The following EPHA10 variants were observed in gnomAD, a reference collection of about 807,000 sequenced individuals.
EPHA10 encodes EPH receptor A10.
In EPHA10, 120 loss-of-function variants were observed where a neutral mutation model predicts 109.7. The ratio of observed to expected loss-of-function variants is 1.09; its 90% CI spans 0.94 to 1.27. The LOEUF is 1.27. EPHA10 is among the 50% of genes most tolerant of loss of function. The pLI is 0.00. For synonymous variants in EPHA10, 640 were observed against 618.9 expected (o/e 1.03, Z -0.51); for missense variants, 1,396 against 1,411.1 (o/e 0.99, Z 0.17).
chr1:37,758,648 T>C (rs1646409103), intron 3 of EPHA10, among the ~76,000 whole-genome samples: 1 of 152,214 alleles, frequency 6.6e-6, no homozygotes, highest in Non-Finnish European at 1.5e-5. Flanking sequence ...TCAGCCTTTT[T>C]AATGGGCTCT....
rs1474436666 is a variant in EPHA10, at chr1:37,764,666, T to A, written c.106+295A>T. 1.3e-5 allele frequency among the ~76,000 whole-genome samples: 2 copies of A among 151,870 alleles called. No individual in the cohort carries two copies. The highest frequency in any genetic ancestry group is 4.8e-5 in the African/African-American group (2 of 41,356). On this transcript the variant is annotated intron_variant, in intron 1 of 16. Coordinates refer to ENST00000373048, the MANE Select transcript of EPHA10 (RefSeq NM_001099439.2). The surrounding 1 kb of genome is among the most constrained non-coding windows in gnomAD (Gnocchi z 5.8). ...CCGCCCCCGCACCTCCCACCTCCAA[T>A]CACTCAGCTTGTCCGTCTCACCGGC...
chr1:37,715,464 G>C (rs938692749), downstream of EPHA10, among the ~76,000 whole-genome samples: 8 of 152,030 alleles, frequency 5.3e-5, no homozygotes, highest in Non-Finnish European at 1.0e-4. Context: ...CATGCTGGCC[G>C]GGTGACCTCC....
At chr1:37,763,099 C>T (rs1646447463) in intron 1 of EPHA10, among the ~76,000 whole-genome samples, 1 of 152,186 alleles carries the variant, frequency 6.6e-6, no homozygotes, top group Non-Finnish European at 1.5e-5. Context: ...CATATTACCA[C>T]AAATTTAGTG....
chr1:37,724,255 A>G lies in EPHA10; in HGVS notation c.1773-883T>C, dbSNP rs536383935. Among the ~76,000 whole-genome samples the G allele has an allele frequency of 2.0e-4, 30 of 152,316 alleles. 1 individual carries two copies. The South Asian group carries it at 5.8e-3, about 29-fold the overall frequency. ...AAAGGAAGAGGGAGAAGTTGCCCACAGTTTATGGTGGTGCCATTTACTGGG... is the reference window on the plus strand; with the variant it reads ...AAAGGAAGAGGGAGAAGTTGCCCACGGTTTATGGTGGTGCCATTTACTGGG... On this transcript the variant is annotated intron_variant, in intron 8 of 16. Transcript: ENST00000373048.
At chr1:37,715,737 C>T (rs1645680615), downstream of EPHA10, 1 of 360,564 alleles carries the variant, frequency 2.8e-6, no homozygotes, top group Admixed American at 4.2e-5. Flanking sequence ...GCTCCTGAGA[C>T]TGGGTAACAG....
At chr1:37,751,727 G>T (rs1646330700) in intron 5 of EPHA10, among the ~76,000 whole-genome samples, 1 of 151,398 alleles carries the variant, frequency 6.6e-6, no homozygotes, top group South Asian at 2.1e-4. Flanking sequence ...ACAAAAATTA[G>T]CTGGGCGTGG....
intron 15 of EPHA10, chr1:37,719,019 G>A (rs903089978): frequency 8.1e-5 from 55 of 680,236 alleles, no homozygotes; most frequent in Non-Finnish European, 1.3e-4. Flanking sequence ...GGCAGAGCCA[G>A]CGCCAGCTAA....
rs561624638 is a variant in EPHA10 at position 37,716,242 on chromosome 1, G to A, written c.*2130C>T. 7.0e-6 allele frequency: 2 copies of A among 284,646 alleles called. No homozygotes were observed. The highest frequency in any genetic ancestry group is 1.3e-5 in the Non-Finnish European group (2 of 150,282). 17.6% of individuals were successfully genotyped at this position (284,646 alleles called of 1,614,324 possible). A position where few individuals can be genotyped will look rare whatever the true frequency, so the allele number is the denominator to read the frequency against. The stretch of plus-strand genomic sequence containing the variant: ...GATTCTGGGACCTCACTCCTCAGTG[G>A]AGGGGAGATCTACCCTGGACACCGA... On this transcript the variant is annotated 3_prime_UTR_variant, in exon 17 of 17. Transcript: ENST00000373048.
At chr1:37,748,043 C>T (rs1646266195) in intron 5 of EPHA10, among the ~76,000 whole-genome samples, 1 of 152,078 alleles carries the variant, frequency 6.6e-6, no homozygotes, top group East Asian at 1.9e-4. Context: ...TAAAACTGAT[C>T]AAGACGTTAC....
At chr1:37,728,921 T>G in intron 7 of EPHA10, among the ~76,000 whole-genome samples, 1 of 152,118 alleles carries the variant, frequency 6.6e-6, no homozygotes, top group Non-Finnish European at 1.5e-5. Flanking sequence ...ATGCCAGCAG[T>G]GGGCAGTCTC....
rs556960593 is a variant in EPHA10, at chr1:37,716,870, C to T, written c.*1502G>A. The T allele has an allele frequency of 2.6e-5, 6 of 233,172 alleles. No individual in the cohort carries two copies. The highest frequency in any genetic ancestry group is 3.4e-5 in the Non-Finnish European group (4 of 118,000). 14.4% of individuals were successfully genotyped at this position (233,172 alleles called of 1,614,324 possible). On this transcript the variant is annotated 3_prime_UTR_variant, in exon 17 of 17. Transcript: ENST00000373048. The stretch of plus-strand genomic sequence containing the variant: ...TATCTCCCCCTCCAGCCCACCTACC[C>T]ACTGACCCAGAGGGCTCCTGGGGGG...
chr1:37,720,850 C>T lies in EPHA10; in HGVS notation c.2147-6G>A, dbSNP rs373570332. Reference sequence around the variant, plus strand: ...GACAATCATCAAGGTGCTTCCTGTGCCCAGGGATGGGAACACACATGCTAA... The same window carrying T: ...GACAATCATCAAGGTGCTTCCTGTGTCCAGGGATGGGAACACACATGCTAA... On this transcript the variant is annotated splice_region_variant and splice_polypyrimidine_tract_variant and intron_variant, in intron 11 of 16. Transcript: ENST00000373048. The T allele has an allele frequency of 1.1e-5, 17 of 1,613,890 alleles. No homozygotes were observed. Among genetic ancestry groups the T allele is most frequent in the Non-Finnish European group, 1.4e-5 (16 of 1,179,992 alleles).
intron 5 of EPHA10, among the ~76,000 whole-genome samples, chr1:37,746,122 T>TG (rs1462919427): frequency 7.3e-6 from 1 of 136,906 alleles, no homozygotes; most frequent in Non-Finnish European, 1.6e-5. Context: ...TTTTTTGAGA[T>TG]GGAGTTTCGC....
chr1:37,752,913 G>A lies in EPHA10; in HGVS notation c.1320C>T (p.Thr440=). ...TGGAGACGGTGACCTGCGCGTAGGT[G>A]GTTCCCGCGGCGGCCGCCGGGCCCG... ...GVSGPAAAAG[T]TYAQVTVSTG... Residue 440 remains threonine (T), a synonymous_variant, in exon 5 of 17, where the codon ACC becomes ACT. Transcript: ENST00000373048. 7.6e-7 allele frequency: 1 copy of A among 1,312,658 alleles called. No homozygotes were observed. Among genetic ancestry groups the A allele is most frequent in the Non-Finnish European group, 9.7e-7 (1 of 1,033,830 alleles). 81.3% of individuals were successfully genotyped at this position (1,312,658 alleles called of 1,614,324 possible).
At chr1:37,722,889 T>C (rs932531571) in intron 10 of EPHA10, 152 bp downstream of exon 10, 1 of 1,137,940 alleles carries the variant, frequency 8.8e-7, no homozygotes, top group Non-Finnish European at 1.3e-6. Context: ...GGGTGGAGGG[T>C]GGGCTTGGTG....
At chr1:37,719,715 C>T (rs540944109) in intron 14 of EPHA10, 108 bp from the exon 15 acceptor site, 57 of 1,426,082 alleles carry the variant, frequency 4.0e-5, no homozygotes, top group African/African-American at 2.1e-4. Flanking sequence ...CACACACATG[C>T]GCACACACAG....
Position 37,731,402 on chromosome 1 carries a change from A to G in EPHA10, c.1663+9T>C, listed in dbSNP as rs1477035703. On this transcript the variant is annotated intron_variant, in intron 7 of 16. Coordinates refer to ENST00000373048, the MANE Select transcript of EPHA10 (RefSeq NM_001099439.2). ...TCTAGGTCCCTGTCCACTCACACAC[A>G]CTACTTACCCTCCCCCAGGGTCTGT... is the stretch of plus-strand genomic sequence containing the variant. 6.3e-7 allele frequency: 1 copy of G among 1,585,722 alleles called. No individual in the cohort carries two copies.
rs141016518 is a variant in EPHA10 at position 37,754,900 on chromosome 1, C to T, written c.851-530G>A. On this transcript the variant is annotated intron_variant, in intron 3 of 16. Transcript: ENST00000373048. The surrounding 1 kb of genome is among the most constrained non-coding windows in gnomAD (Gnocchi z 4.5). Reference sequence around the variant, plus strand: ...GCAACCCCCACCTCCCAGGTTTAAGCGATTCTCCTGCCTCAGCCTCCTGAG... The same window carrying T: ...GCAACCCCCACCTCCCAGGTTTAAGTGATTCTCCTGCCTCAGCCTCCTGAG... Among the ~76,000 whole-genome samples the T allele has an allele frequency of 2.9e-3, 439 of 152,178 alleles. 2 individuals carry two copies. Among genetic ancestry groups the T allele is most frequent in the African/African-American group, 0.01 (422 of 41,502 alleles).
chr1:37,731,224 A>T (rs1645976393), intron 7 of EPHA10, among the ~76,000 whole-genome samples, 187 bp downstream of exon 7: 2 of 152,170 alleles, frequency 1.3e-5, no homozygotes, highest in African/African-American at 2.4e-5. Context: ...ACGTCGGTGA[A>T]CAGGCATTAG....
Sources: allele counts gnomAD v4.1 joint callset (sites outside exome capture counted in the v4.1 genomes callset), GRCh38; gene constraint gnomAD v4.1.1; non-coding constraint Gnocchi (gnomAD v3.1); transcripts MANE v1.5; gene names NCBI Gene and HGNC (gene_info 2026-07-23, HGNC 2026-07-21).